The following PDE4D variants were observed in gnomAD, a reference collection of about 807,000 sequenced individuals.
PDE4D encodes phosphodiesterase 4D, also known as 3',5'-cyclic-AMP phosphodiesterase 4D.
A neutral mutation model predicts 87.4 loss-of-function variants in PDE4D; 24 were observed. That is an observed-to-expected ratio of 0.27 (90% confidence interval 0.20 to 0.39). The LOEUF is 0.39. PDE4D is among the 10% of genes least tolerant of loss of function. The probability of loss-of-function intolerance (pLI) is 1.00; values close to 1 mark genes in which losing one functional copy is unlikely to be tolerated. For synonymous variants in PDE4D, 384 were observed against 383.2 expected (o/e 1.00, Z -0.02); for missense variants, 714 against 1,041.0 (o/e 0.69, Z 4.32).
chr5:60,228,249 A>G (rs903242494), intron 1 of PDE4D, among the ~76,000 whole-genome samples: 1 of 152,080 alleles, frequency 6.6e-6, no homozygotes, highest in African/African-American at 2.4e-5. Context: ...TTATTTGATT[A>G]TATCTGCCTC....
chr5:59,334,159 G>A (rs1777222136), intron 1 of PDE4D, among the ~76,000 whole-genome samples: 1 of 150,426 alleles, frequency 6.6e-6, no homozygotes, highest in Non-Finnish European at 1.5e-5. Context: ...GAGTCTGATA[G>A]CCTTTATAGG....
intron 2 of PDE4D, among the ~76,000 whole-genome samples, chr5:60,069,427 A>C (rs1772472162): frequency 6.6e-6 from 1 of 152,118 alleles, no homozygotes. Flanking sequence ...TGAGAAATAT[A>C]TTTCTGTTGT....
intron 1 of PDE4D, among the ~76,000 whole-genome samples, chr5:59,752,588 C>T (rs1218723773): frequency 6.6e-6 from 1 of 152,114 alleles, no homozygotes; most frequent in African/African-American, 2.4e-5. Flanking sequence ...TAACTGAAAA[C>T]AATCCCTCGT....
intron 1 of PDE4D, among the ~76,000 whole-genome samples, chr5:60,520,387 C>A (rs905318546): frequency 1.3e-5 from 2 of 152,194 alleles, no homozygotes; most frequent in African/African-American, 2.4e-5. Flanking sequence ...TTTGTTGAAT[C>A]CTTTGCCTGG....
intron 2 of PDE4D, among the ~76,000 whole-genome samples, chr5:60,147,036 A>C (rs529170396): frequency 2.2e-4 from 34 of 152,326 alleles, no homozygotes; most frequent in African/African-American, 7.2e-4. Context: ...AATTAATACA[A>C]GCACCATTCA....
intron 6 of PDE4D, among the ~76,000 whole-genome samples, chr5:58,995,514 G>C (rs1749023189): frequency 6.6e-6 from 1 of 152,060 alleles, no homozygotes; most frequent in African/African-American, 2.4e-5. Context: ...ATATTTTCTT[G>C]AGTAAATTAT....
At chr5:59,085,274 A>C (rs1035591670) in intron 5 of PDE4D, among the ~76,000 whole-genome samples, 2 of 152,194 alleles carry the variant, frequency 1.3e-5, no homozygotes, top group African/African-American at 2.4e-5. Flanking sequence ...ATGATGCAAT[A>C]TACTGTGAAA....
At chr5:60,052,284 C>A (rs575958639) in intron 2 of PDE4D, among the ~76,000 whole-genome samples, 1 of 152,270 alleles carries the variant, frequency 6.6e-6, no homozygotes, top group South Asian at 2.1e-4. Context: ...ATGCAAAAAT[C>A]TTCAATAAAA....
chr5:60,407,175 CT>C (rs1358958040), intron 1 of PDE4D, among the ~76,000 whole-genome samples: 1 of 152,068 alleles, frequency 6.6e-6, no homozygotes, highest in Non-Finnish European at 1.5e-5. Flanking sequence ...CTGAGAGTAC[CT>C]TTACCTATTT....
chr5:59,330,245 T>C (rs1776466819), intron 1 of PDE4D, among the ~76,000 whole-genome samples: 1 of 152,238 alleles, frequency 6.6e-6, no homozygotes, highest in African/African-American at 2.4e-5. Context: ...TCTAAATTTC[T>C]TGATATTCTC....
intron 1 of PDE4D, among the ~76,000 whole-genome samples, chr5:60,497,391 T>G (rs192819040): frequency 6.6e-6 from 1 of 152,056 alleles, no homozygotes. Flanking sequence ...TTTTTTGTCT[T>G]TCTTTTTTTT....
intron 1 of PDE4D, among the ~76,000 whole-genome samples, chr5:59,267,445 G>A (rs113085646): frequency 0.011 from 1,703 of 152,036 alleles, 16 homozygotes; most frequent in Non-Finnish European, 0.016. Context: ...AGATACAACG[G>A]GAGCACTTTT....
chr5:59,944,663 A>G (rs982543757), intron 3 of PDE4D, among the ~76,000 whole-genome samples: 1 of 150,002 alleles, frequency 6.7e-6, no homozygotes, highest in Admixed American at 6.6e-5. Context: ...GAGCCACCGC[A>G]CCCAGCAGTA....
chr5:59,163,427 A>T (rs1324391182), intron 5 of PDE4D, among the ~76,000 whole-genome samples: 1 of 151,710 alleles, frequency 6.6e-6, no homozygotes, highest in Non-Finnish European at 1.5e-5. Context: ...ATGTGCCACC[A>T]CGCCTGGCTA....
chr5:60,248,687 T>C (rs1748074445), intron 1 of PDE4D, among the ~76,000 whole-genome samples: 1 of 152,060 alleles, frequency 6.6e-6, no homozygotes, highest in Non-Finnish European at 1.5e-5. Flanking sequence ...GTCTTATCAA[T>C]TTCTTATTCC....
chr5:60,073,368 T>G (rs1408624508), intron 2 of PDE4D, among the ~76,000 whole-genome samples: 1 of 152,106 alleles, frequency 6.6e-6, no homozygotes, highest in East Asian at 1.9e-4. Context: ...GCCAATTTAT[T>G]GTGGTGGATT....
rs75051997 is a variant in PDE4D, at chr5:59,602,913, G to A, written c.455+290255C>T. ...CTACAGTGAACTTATTTTCAACAAAGGTGCCAAGAACATACATTGGGGAAA... is the reference window on the plus strand; with the variant it reads ...CTACAGTGAACTTATTTTCAACAAAAGTGCCAAGAACATACATTGGGGAAA... On this transcript the variant is annotated intron_variant, in intron 1 of 14. Coordinates refer to ENST00000340635, the MANE Select transcript of PDE4D (RefSeq NM_001104631.2). Among the ~76,000 whole-genome samples, 1,131 of 152,064 alleles carry A rather than the reference G, an allele frequency of 7.4e-3. 14 individuals carry two copies. The highest frequency in any genetic ancestry group is 0.024 in the African/African-American group (988 of 41,502).
At chr5:59,496,533 T>A (rs773748422) in intron 1 of PDE4D, among the ~76,000 whole-genome samples, 21 of 152,022 alleles carry the variant, frequency 1.4e-4, no homozygotes, top group Non-Finnish European at 2.9e-4. Flanking sequence ...CCTTGTTCAG[T>A]TGGGGGACAG....
intron 5 of PDE4D, among the ~76,000 whole-genome samples, chr5:59,170,835 A>G (rs547477167): frequency 6.6e-6 from 1 of 151,346 alleles, no homozygotes; most frequent in African/African-American, 2.4e-5. Flanking sequence ...TTAACCCTTT[A>G]TGCACATTCA....
Sources: gnomAD v4.1 joint callset for allele counts (sites outside exome capture counted in the v4.1 genomes callset) on GRCh38, gnomAD v4.1.1 for gene constraint, MANE v1.5 for transcripts, NCBI Gene and HGNC (gene_info 2026-07-23, HGNC 2026-07-21) for gene names.